PRKCA: variants seen among roughly 807,000 people sequenced by gnomAD.
PRKCA encodes the protein protein kinase C alpha type.
PRKCA carries 27 observed loss-of-function variants against 87.0 expected under a neutral mutation model. The ratio of observed to expected loss-of-function variants is 0.31; its 90% CI spans 0.23 to 0.43. The LOEUF is 0.43. Ranked by LOEUF, PRKCA falls within the 20% of genes least tolerant of loss-of-function variation. PRKCA has a pLI of 1.00. For synonymous variants in PRKCA, 329 were observed against 311.1 expected (o/e 1.06, Z -0.61); for missense variants, 518 against 852.3 (o/e 0.61, Z 4.88).
At chr17:66,367,351 TAGTG>T (rs1356514712) in intron 2 of PRKCA, among the ~76,000 whole-genome samples, 2 of 152,124 alleles carry the variant, frequency 1.3e-5, no homozygotes, top group Non-Finnish European at 2.9e-5. Context: ...ATAAAAGACT[TAGTG>T]AGAGCTGGGA....
chr17:66,437,309 G>T (rs557778482), intron 2 of PRKCA, among the ~76,000 whole-genome samples: 2 of 152,112 alleles, frequency 1.3e-5, no homozygotes, highest in East Asian at 1.9e-4. Flanking sequence ...CTGAGAACAG[G>T]TTTTCTCCAT....
intron 3 of PRKCA, among the ~76,000 whole-genome samples, chr17:66,524,834 C>T (rs2144235480): frequency 6.6e-6 from 1 of 152,296 alleles, no homozygotes; most frequent in South Asian, 2.1e-4. Context: ...TCCCCCACCT[C>T]TTCCCTGCAA....
chr17:66,797,028 T>C (rs1434392076), intron 16 of PRKCA: 1 of 949,352 alleles, frequency 1.1e-6, no homozygotes, highest in Non-Finnish European at 1.3e-6. Flanking sequence ...GAGCTACTCA[T>C]ATTTCCCATA....
intron 2 of PRKCA, among the ~76,000 whole-genome samples, chr17:66,377,600 TTA>T (rs928669107): frequency 1.4e-5 from 2 of 146,366 alleles, no homozygotes; most frequent in South Asian, 2.1e-4. Flanking sequence ...TGTCTATATT[TTA>T]TATATATAAT....
At chr17:66,305,034 A>C (rs1369619940) in intron 1 of PRKCA, among the ~76,000 whole-genome samples, 1 of 152,170 alleles carries the variant, frequency 6.6e-6, no homozygotes, top group African/African-American at 2.4e-5. Flanking sequence ...GGTGAGCTGA[A>C]GAGGCGCTCA....
chr17:66,733,205 C>T (rs982276255), intron 9 of PRKCA, among the ~76,000 whole-genome samples: 1 of 151,058 alleles, frequency 6.6e-6, no homozygotes, highest in African/African-American at 2.4e-5. Context: ...CAGAAGACCA[C>T]CAGGATGGCT....
chr17:66,695,530 C>T (rs1274925420), intron 8 of PRKCA, among the ~76,000 whole-genome samples: 1 of 152,158 alleles, frequency 6.6e-6, no homozygotes, highest in Non-Finnish European at 1.5e-5. Flanking sequence ...TGAGCCTACA[C>T]CATTCAATTT....
intron 5 of PRKCA, among the ~76,000 whole-genome samples, chr17:66,659,793 C>T (rs1167993290): frequency 1.3e-5 from 2 of 152,146 alleles, no homozygotes; most frequent in Non-Finnish European, 2.9e-5. Context: ...GGGGTCCGTG[C>T]ACCCCATGCA....
rs1200325900 is a variant in PRKCA, at chr17:66,302,645, C to A, written c.-207C>A. 4 of 167,228 alleles carry A rather than the reference C, an allele frequency of 2.4e-5. No homozygotes were observed. Among genetic ancestry groups the A allele is most frequent in the Non-Finnish European group, 4.8e-5 (4 of 83,858 alleles). 10.4% of individuals were successfully genotyped at this position (167,228 alleles called of 1,614,324 possible). ...AGCCTGGGGCCAGCGGGCGAGCCAG[C>A]GGCTCCGGCTCCCGCTCCCGCTCCG... On this transcript the variant is annotated 5_prime_UTR_variant, in exon 1 of 17. Coordinates refer to ENST00000413366, the MANE Select transcript of PRKCA (RefSeq NM_002737.3).
chr17:66,500,283 G>A (rs1273220897), intron 3 of PRKCA, among the ~76,000 whole-genome samples: 1 of 152,186 alleles, frequency 6.6e-6, no homozygotes, highest in Non-Finnish European at 1.5e-5. Context: ...GCCAAGGCCT[G>A]AGAAGTGTTG....
intron 13 of PRKCA, among the ~76,000 whole-genome samples, chr17:66,753,692 G>A (rs1001025723): frequency 6.6e-6 from 1 of 152,146 alleles, no homozygotes; most frequent in Non-Finnish European, 1.5e-5. Context: ...GGTAATTAGG[G>A]GAGAATGAAC....
chr17:66,531,497 G>T (rs948138512), intron 3 of PRKCA, among the ~76,000 whole-genome samples: 1 of 152,180 alleles, frequency 6.6e-6, no homozygotes, highest in South Asian at 2.1e-4. Context: ...CCTAAAGCTC[G>T]ATTATTTTCA....
chr17:66,352,006 A>G (rs529700983), intron 2 of PRKCA, among the ~76,000 whole-genome samples: 2 of 152,298 alleles, frequency 1.3e-5, no homozygotes, highest in East Asian at 1.9e-4. Flanking sequence ...TCTGCCTTCA[A>G]GTTCAAATGC....
chr17:66,459,667 TG>T (rs1205700161), intron 2 of PRKCA, among the ~76,000 whole-genome samples: 1 of 152,164 alleles, frequency 6.6e-6, no homozygotes, highest in African/African-American at 2.4e-5. Flanking sequence ...GAGAGACCCA[TG>T]GTTGCACACT....
intron 2 of PRKCA, among the ~76,000 whole-genome samples, chr17:66,320,372 C>T (rs1471446336): frequency 6.6e-6 from 1 of 151,568 alleles, no homozygotes; most frequent in Non-Finnish European, 1.5e-5. Flanking sequence ...CCATCCAATA[C>T]TCTATTTTTT....
chr17:66,453,867 G>T (rs1304326243), intron 2 of PRKCA, among the ~76,000 whole-genome samples: 1 of 152,176 alleles, frequency 6.6e-6, no homozygotes, highest in Admixed American at 6.5e-5. Flanking sequence ...AATACTTTGG[G>T]TTTTTTCAGA....
In PRKCA at chr17:66,440,898, C is replaced by T. The variant is rs181810216; in HGVS notation, c.206-55303C>T. Among the ~76,000 whole-genome samples, 319 of 152,160 alleles carry T rather than the reference C, an allele frequency of 2.1e-3. 2 individuals are homozygous for T. Among genetic ancestry groups the T allele is most frequent in the South Asian group, 0.014 (65 of 4,800 alleles). On this transcript the variant is annotated intron_variant, in intron 2 of 16. Coordinates refer to ENST00000413366, the MANE Select transcript of PRKCA (RefSeq NM_002737.3). The stretch of plus-strand genomic sequence containing the variant: ...TTAGTCAGGGCCGGGTATGGTGGCT[C>T]ATGCCTGTAATCCCAGCATTTTGGG...
At chr17:66,368,441 A>G (rs1362417594) in intron 2 of PRKCA, among the ~76,000 whole-genome samples, 1 of 116,172 alleles carries the variant, frequency 8.6e-6, no homozygotes, top group Non-Finnish European at 1.6e-5. Flanking sequence ...CCCAGGCTGG[A>G]GTGCAGTGGT....
intron 2 of PRKCA, among the ~76,000 whole-genome samples, chr17:66,321,350 T>C (rs1345869945): frequency 6.6e-6 from 1 of 152,204 alleles, no homozygotes; most frequent in Non-Finnish European, 1.5e-5. Flanking sequence ...AGACAGTTGG[T>C]CTGAAGATAC....
Sources: allele counts gnomAD v4.1 joint callset (sites outside exome capture counted in the v4.1 genomes callset), GRCh38; gene constraint gnomAD v4.1.1; transcripts MANE v1.5; gene names NCBI Gene and HGNC (gene_info 2026-07-23, HGNC 2026-07-21).